SIK3: variants seen among roughly 807,000 people sequenced by gnomAD.
SIK3 encodes the protein serine/threonine-protein kinase SIK3.
In SIK3, 28 loss-of-function variants were observed where a neutral mutation model predicts 144.2. The observed-to-expected ratio is 0.19, with a 90% CI of 0.14 to 0.27. SIK3 has a LOEUF of 0.27. Among genes scored for constraint, SIK3 ranks in the 10% least tolerant of loss-of-function variants. The pLI is 1.00. For synonymous variants in SIK3, 686 were observed against 676.3 expected (o/e 1.01, Z -0.22); for missense variants, 1,319 against 1,776.0 (o/e 0.74, Z 4.62).
intron 4 of SIK3, among the ~76,000 whole-genome samples, chr11:116,900,654 T>C (rs1945683886): frequency 6.6e-6 from 1 of 152,180 alleles, no homozygotes; most frequent in African/African-American, 2.4e-5. Context: ...CTATTTCCTC[T>C]CTGTACCATG....
At chr11:116,924,860 C>A (rs1426517853) in intron 4 of SIK3, among the ~76,000 whole-genome samples, 1 of 152,170 alleles carries the variant, frequency 6.6e-6, no homozygotes, top group African/African-American at 2.4e-5. Flanking sequence ...AATCTATAAT[C>A]CAAAGAGCCT....
chr11:117,027,213 G>A (rs1270019685), intron 1 of SIK3, among the ~76,000 whole-genome samples: 3 of 152,174 alleles, frequency 2.0e-5, no homozygotes, highest in Non-Finnish European at 4.4e-5. Context: ...AAACACATTA[G>A]TCATCTCTGC....
chr11:116,889,185 CA>C (rs1254384159), intron 6 of SIK3, among the ~76,000 whole-genome samples: 1 of 152,196 alleles, frequency 6.6e-6, no homozygotes, highest in African/African-American at 2.4e-5. Flanking sequence ...CTTCAGCTTC[CA>C]AAACTTCATC....
At chr11:117,057,056 A>G (rs1307755490) in intron 1 of SIK3, among the ~76,000 whole-genome samples, 2 of 152,212 alleles carry the variant, frequency 1.3e-5, no homozygotes, top group African/African-American at 4.8e-5. Flanking sequence ...GATCTCCTGT[A>G]CCCTTTACCT....
chr11:117,001,103 G>A (rs547068156), intron 1 of SIK3, among the ~76,000 whole-genome samples: 2 of 152,318 alleles, frequency 1.3e-5, no homozygotes, highest in African/African-American at 4.8e-5. Flanking sequence ...TCTAGTGGGT[G>A]GGGCGATAGC....
rs146575690 is a variant in SIK3, at chr11:117,019,128, T to C, written c.274-62064A>G. On this transcript the variant is annotated intron_variant, in intron 1 of 24. Coordinates refer to ENST00000445177, the MANE Select transcript of SIK3 (RefSeq NM_001366686.3). Reference sequence around the variant, plus strand: ...TCCACCTCCCGGGTTCTAGCAATTCTCCTGCCTCAGCCTCCCAAGTAGCTG... The same window carrying C: ...TCCACCTCCCGGGTTCTAGCAATTCCCCTGCCTCAGCCTCCCAAGTAGCTG... Among the ~76,000 whole-genome samples, 1,042 of 152,092 alleles carry C rather than the reference T, an allele frequency of 6.9e-3. 20 individuals are homozygous for C. The highest frequency in any genetic ancestry group is 0.023 in the African/African-American group (961 of 41,496).
At chr11:116,996,291 G>A (rs1780562788) in intron 1 of SIK3, among the ~76,000 whole-genome samples, 1 of 151,980 alleles carries the variant, frequency 6.6e-6, no homozygotes, top group East Asian at 1.9e-4. Flanking sequence ...CTGGGTGACA[G>A]AATGAGATTC....
intron 1 of SIK3, among the ~76,000 whole-genome samples, chr11:117,095,317 T>C (rs954771745): frequency 6.6e-6 from 1 of 151,858 alleles, no homozygotes; most frequent in Non-Finnish European, 1.5e-5. Flanking sequence ...CTGACTGTTA[T>C]ATATGGTTAT....
chr11:116,904,940 G>A (rs948856691), intron 4 of SIK3: 4 of 167,086 alleles, frequency 2.4e-5, no homozygotes, highest in African/African-American at 7.2e-5. Flanking sequence ...AATGCCCAGC[G>A]GCTTTTAGCG....
intron 6 of SIK3, 124 bp from the exon 7 acceptor site, chr11:116,877,166 G>A (rs1159061500): frequency 2.5e-6 from 2 of 790,370 alleles, no homozygotes; most frequent in East Asian, 5.0e-5. Context: ...TGTCTCTCTT[G>A]CTCTTTGATC....
rs188590447 is a variant in SIK3, at chr11:116,848,127, A to G, written c.3820-519T>C. Among the ~76,000 whole-genome samples, 533 of 152,326 alleles carry G rather than the reference A, an allele frequency of 3.5e-3. 2 individuals are homozygous for G. Among genetic ancestry groups the G allele is most frequent in the African/African-American group, 0.012 (508 of 41,572 alleles). ...CAGGAGATCGAGACCATCCTGGCTAACACGGTGAAACCCCGTCTCTACTAA... is the reference window on the plus strand; with the variant it reads ...CAGGAGATCGAGACCATCCTGGCTAGCACGGTGAAACCCCGTCTCTACTAA... On this transcript the variant is annotated intron_variant, in intron 22 of 24. Coordinates refer to ENST00000445177, the MANE Select transcript of SIK3 (RefSeq NM_001366686.3).
At chr11:116,999,297 T>A (rs1259070032) in intron 1 of SIK3, among the ~76,000 whole-genome samples, 1 of 152,220 alleles carries the variant, frequency 6.6e-6, no homozygotes, top group Non-Finnish European at 1.5e-5. Context: ...AGAACAGACA[T>A]TTTGTAATTA....
intron 4 of SIK3, among the ~76,000 whole-genome samples, chr11:116,899,400 T>C (rs985529612): frequency 1.3e-5 from 2 of 151,968 alleles, no homozygotes; most frequent in Non-Finnish European, 2.9e-5. Context: ...CGAAGTCAGG[T>C]AGTGTGATGC....
At chr11:117,043,845 G>T (rs1197111594) in intron 1 of SIK3, among the ~76,000 whole-genome samples, 2 of 152,150 alleles carry the variant, frequency 1.3e-5, no homozygotes, top group African/African-American at 4.8e-5. Context: ...CAGTATAAAC[G>T]ATGTTTTATT....
chr11:116,874,132 CATTGCT>C, intron 11 of SIK3, 76 bp from the exon 12 acceptor site: 1 of 1,395,842 alleles, frequency 7.2e-7, no homozygotes, highest in East Asian at 2.3e-5. Flanking sequence ...AAACTGATGG[CATTGCT>C]ATGTTCAGTA....
chr11:117,055,109 C>T (rs1953451014), intron 1 of SIK3, among the ~76,000 whole-genome samples: 1 of 152,146 alleles, frequency 6.6e-6, no homozygotes, highest in South Asian at 2.1e-4. Flanking sequence ...TTCACGGACA[C>T]AGTCACTAAG....
chr11:116,920,338 G>A (rs1325922380), intron 4 of SIK3, among the ~76,000 whole-genome samples: 13 of 151,822 alleles, frequency 8.6e-5, no homozygotes, highest in Admixed American at 8.5e-4. Context: ...CAGCCATGCT[G>A]GACTTTCTTC....
chr11:117,040,902 T>C (rs904419597), intron 1 of SIK3, among the ~76,000 whole-genome samples: 3 of 151,686 alleles, frequency 2.0e-5, no homozygotes, highest in Non-Finnish European at 4.4e-5. Flanking sequence ...ATGGTTACTA[T>C]AGTCAAGCAA....
At chr11:117,070,338 C>T (rs972591530) in intron 1 of SIK3, among the ~76,000 whole-genome samples, 1 of 152,198 alleles carries the variant, frequency 6.6e-6, no homozygotes, top group Non-Finnish European at 1.5e-5. Flanking sequence ...GTAATCCCAG[C>T]TACTCAGGAA....
Sources: allele counts gnomAD v4.1 joint callset (sites outside exome capture counted in the v4.1 genomes callset), GRCh38; gene constraint gnomAD v4.1.1; transcripts MANE v1.5; gene names NCBI Gene and HGNC (gene_info 2026-07-23, HGNC 2026-07-21).